UTRN: variants seen among roughly 807,000 people sequenced by gnomAD.
UTRN encodes the protein dystrophin-related protein 1.
Under a neutral mutation model 463.9 loss-of-function variants are expected in UTRN, and 283 were observed. That is an observed-to-expected ratio of 0.61 (90% CI 0.55 to 0.67). UTRN has a LOEUF of 0.67. Among genes scored for constraint, UTRN ranks in the 30% least tolerant of loss-of-function variants. UTRN has a pLI of 0.00. For synonymous variants in UTRN, 1,442 were observed against 1,431.5 expected (o/e 1.01, Z -0.17); for missense variants, 3,922 against 4,084.3 (o/e 0.96, Z 1.08).
intron 63 of UTRN, among the ~76,000 whole-genome samples, chr6:144,797,528 A>G (rs1278618712): frequency 1.3e-5 from 2 of 152,218 alleles, no homozygotes; most frequent in Non-Finnish European, 2.9e-5. Context: ...ATGTAAAAAG[A>G]TGACTTTAAA....
intron 51 of UTRN, among the ~76,000 whole-genome samples, chr6:144,658,295 G>A (rs1779529213): frequency 6.6e-6 from 1 of 152,002 alleles, no homozygotes; most frequent in Non-Finnish European, 1.5e-5. Context: ...TTGTATAGAT[G>A]GGCATATGTA....
At chr6:144,744,364 T>A (rs1211364386) in intron 54 of UTRN, among the ~76,000 whole-genome samples, 2 of 145,936 alleles carry the variant, frequency 1.4e-5, no homozygotes, top group Non-Finnish European at 3.0e-5. Context: ...ATAAAATTTT[T>A]AAATATATAG....
intron 62 of UTRN, 57 bp downstream of exon 62, chr6:144,789,336 A>G: frequency 7.3e-7 from 1 of 1,362,970 alleles, no homozygotes; most frequent in Middle Eastern, 2.2e-4. Context: ...TGATTATAAC[A>G]ATTTATTGGA....
chr6:144,606,023 A>T (rs924831256), intron 51 of UTRN, among the ~76,000 whole-genome samples: 1 of 152,210 alleles, frequency 6.6e-6, no homozygotes, highest in East Asian at 1.9e-4. Context: ...GATTTTTTTC[A>T]TGTCTTAACA....
At chr6:144,716,238 T>TC (rs1786435421) in intron 53 of UTRN, among the ~76,000 whole-genome samples, 1 of 117,164 alleles carries the variant, frequency 8.5e-6, no homozygotes, top group African/African-American at 3.4e-5. Flanking sequence ...AAAATATAGC[T>TC]TTTTTTTTTT....
At chr6:144,616,798 G>A (rs1045735335) in intron 51 of UTRN, among the ~76,000 whole-genome samples, 12 of 151,940 alleles carry the variant, frequency 7.9e-5, no homozygotes, top group African/African-American at 1.2e-4. Context: ...TGCCAGTTCC[G>A]CTCTTATAAA....
intron 74 of UTRN, among the ~76,000 whole-genome samples, chr6:144,850,378 A>G (rs545636933): frequency 5.9e-5 from 9 of 152,256 alleles, no homozygotes; most frequent in Admixed American, 2.0e-4. Flanking sequence ...ACCAGTTTGG[A>G]TGATTTCATT....
At chr6:144,395,469 A>C (rs1247732804) in intron 2 of UTRN, among the ~76,000 whole-genome samples, 1 of 151,600 alleles carries the variant, frequency 6.6e-6, no homozygotes, top group Non-Finnish European at 1.5e-5. Flanking sequence ...GATGCCTGTA[A>C]ATCTTAGAAA....
rs138515009 is a variant in UTRN, at chr6:144,285,607, C to T, written c.-307C>T. On this transcript the variant is annotated 5_prime_UTR_variant, in exon 1 of 75. Coordinates refer to ENST00000367545, the MANE Select transcript of UTRN (RefSeq NM_007124.3). ...TGCACAAGTAAGGGGCGTTTTCAGT[C>T]GGGTGTCAATTTCTCTTTCTTTCTT... The T allele has an allele frequency of 6.6e-6, 1 of 152,202 alleles. No individual in the cohort carries two copies. Among genetic ancestry groups the T allele is most frequent in the African/African-American group, 2.4e-5 (1 of 41,444 alleles). 9.4% of individuals were successfully genotyped at this position (152,202 alleles called of 1,614,324 possible). A position where few individuals can be genotyped will look rare whatever the true frequency, so the allele number is the denominator to read the frequency against.
At chr6:144,474,876 C>A in intron 25 of UTRN, 117 bp downstream of exon 25, 2 of 1,205,340 alleles carry the variant, frequency 1.7e-6, no homozygotes, top group East Asian at 2.5e-5. Context: ...TAGAATAACT[C>A]CAGCATGGGT....
At chr6:144,601,639 C>A (rs1279403575) in intron 51 of UTRN, among the ~76,000 whole-genome samples, 1 of 152,090 alleles carries the variant, frequency 6.6e-6, no homozygotes, top group Non-Finnish European at 1.5e-5. Context: ...ATGCTATGAA[C>A]ATTATGGAAA....
chr6:144,463,821 TATAG>T (rs538764509), intron 23 of UTRN, among the ~76,000 whole-genome samples: 84 of 151,656 alleles, frequency 5.5e-4, no homozygotes, highest in African/African-American at 1.8e-3. Flanking sequence ...TATCTATATA[TATAG>T]ATAGATAGAT....
chr6:144,495,013 G>A (rs1793469756), intron 33 of UTRN, among the ~76,000 whole-genome samples: 2 of 152,240 alleles, frequency 1.3e-5, no homozygotes, highest in Admixed American at 6.5e-5. Context: ...GCCGATTGGT[G>A]TATTTACAAT....
At chr6:144,368,850 A>G (rs1779739952) in intron 2 of UTRN, among the ~76,000 whole-genome samples, 1 of 152,230 alleles carries the variant, frequency 6.6e-6, no homozygotes, top group Non-Finnish European at 1.5e-5. Flanking sequence ...TGGAAATTAC[A>G]GATCAGGATC....
intron 24 of UTRN, 75 bp downstream of exon 24, chr6:144,473,908 T>A: frequency 2.8e-6 from 3 of 1,070,814 alleles, no homozygotes; most frequent in Non-Finnish European, 4.1e-6. Flanking sequence ...CTGCTATTAT[T>A]AAAATTGTGA....
At chr6:144,761,380 G>A (rs539922389) in intron 58 of UTRN, among the ~76,000 whole-genome samples, 46 of 152,182 alleles carry the variant, frequency 3.0e-4, no homozygotes, top group Admixed American at 2.5e-3. Flanking sequence ...ATGGGGCCGG[G>A]TGCAGTGGCT....
intron 2 of UTRN, among the ~76,000 whole-genome samples, chr6:144,395,130 A>T (rs1241137915): frequency 1.3e-5 from 2 of 152,162 alleles, no homozygotes; most frequent in South Asian, 2.1e-4. Flanking sequence ...ATTTTCTTTC[A>T]TAAGTTTAGC....
chr6:144,495,508 C>G (rs915462564), intron 33 of UTRN, among the ~76,000 whole-genome samples: 10 of 152,216 alleles, frequency 6.6e-5, no homozygotes, highest in Non-Finnish European at 1.2e-4. Context: ...AGCCCCGGTT[C>G]CCGCTCGCGC....
At chr6:144,825,762 A>T (rs992277771) in intron 66 of UTRN, among the ~76,000 whole-genome samples, 4 of 152,206 alleles carry the variant, frequency 2.6e-5, no homozygotes, top group Non-Finnish European at 5.9e-5. Flanking sequence ...TAGAAAGTAT[A>T]TAGCATATCA....
Sources: allele counts gnomAD v4.1 joint callset (sites outside exome capture counted in the v4.1 genomes callset), GRCh38; gene constraint gnomAD v4.1.1; transcripts MANE v1.5; gene names NCBI Gene and HGNC (gene_info 2026-07-23, HGNC 2026-07-21).